The following PNPLA7 variants were observed in gnomAD, a reference collection of about 807,000 sequenced individuals.
PNPLA7 encodes patatin-like phospholipase domain-containing protein 7.
In PNPLA7, 153 loss-of-function variants were observed where a neutral mutation model predicts 161.7. The ratio of observed to expected loss-of-function variants is 0.95; its 90% CI spans 0.83 to 1.08. The LOEUF (loss-of-function observed/expected upper bound fraction) is 1.08, where lower values mean the gene tolerates loss of function less well. Among genes scored for constraint, PNPLA7 ranks in the 50% least tolerant of loss-of-function variants. The pLI, the probability that PNPLA7 is intolerant of heterozygous loss-of-function variation, is 0.00. For missense variants in PNPLA7, 1,739 were observed against 1,856.6 expected (o/e 0.94, Z 1.16); for synonymous variants, 809 against 782.1 (o/e 1.03, Z -0.57).
rs756721365 is a variant in PNPLA7 at position 137,464,158 on chromosome 9, A to G, written c.3194T>C (p.Ile1065Thr). 3 of 1,613,716 alleles carry G rather than the reference A, an allele frequency of 1.9e-6. No individual in the cohort carries two copies. In the Admixed American group the frequency reaches 5.0e-5, roughly 27 times the overall value. ...WIPYFAITTD[I>T]TASAMRVHTD... ...GTGGACCCGCATGGCCGAGGCTGTG[A>G]TGTCGGTGGTGATGGCGAAATAAGG... Residue 1065 changes from isoleucine (I) to threonine (T), a missense_variant, in exon 28 of 35, where the codon ATC becomes ACC. Physicochemically the swap from Ile to Thr is moderately conservative, Grantham distance 89. Transcript: ENST00000406427.
intron 28 of PNPLA7, among the ~76,000 whole-genome samples, 178 bp downstream of exon 28, chr9:137,463,948 C>T (rs535956982): frequency 1.3e-5 from 2 of 152,356 alleles, no homozygotes; most frequent in African/African-American, 4.8e-5. Flanking sequence ...GCCCAGGCCA[C>T]GCCCCCTCCT....
At chr9:137,521,343 C>T (rs190225675) in intron 10 of PNPLA7, among the ~76,000 whole-genome samples, 95 of 152,360 alleles carry the variant, frequency 6.2e-4, no homozygotes, top group African/African-American at 2.2e-3. Context: ...AGGGACAACT[C>T]CATCATCGGA....
chr9:137,539,023 G>T (rs140027197), intron 8 of PNPLA7, among the ~76,000 whole-genome samples: 1,749 of 152,306 alleles, frequency 0.011, 33 homozygotes, highest in African/African-American at 0.038. Context: ...CTGCACTCCA[G>T]CCTGGGCAAC....
At chr9:137,505,495 CA>C (rs767758346) in intron 14 of PNPLA7, 118 bp downstream of exon 14, 2 of 1,244,630 alleles carry the variant, frequency 1.6e-6, no homozygotes, top group Non-Finnish European at 2.2e-6. Context: ...GCACTCCACC[CA>C]AAACACCTCC....
chr9:137,487,613 C>T (rs529139333), intron 20 of PNPLA7, among the ~76,000 whole-genome samples: 4 of 152,232 alleles, frequency 2.6e-5, no homozygotes, highest in Non-Finnish European at 4.4e-5. Flanking sequence ...GCAGCCTACA[C>T]AGCCTTTGTG....
At chr9:137,525,536 C>T (rs563570678) in intron 8 of PNPLA7, among the ~76,000 whole-genome samples, 38 of 152,210 alleles carry the variant, frequency 2.5e-4, no homozygotes, top group African/African-American at 8.7e-4. Context: ...GTAGCCGAGG[C>T]GGAGAGAGAA....
intron 20 of PNPLA7, 144 bp downstream of exon 20, chr9:137,492,869 G>A: frequency 1.4e-6 from 1 of 704,180 alleles, no homozygotes; most frequent in East Asian, 2.8e-5. Context: ...CTTCATGACA[G>A]GGAAGGGCCA....
At position 137,463,557 on chromosome 9, in the gene PNPLA7, G is replaced by A. The variant is rs1034099014; in HGVS notation, c.3227-26C>T. Reference sequence around the variant, plus strand: ...CTGGGGAGGGGGCCCGGAGCTGCTGGTTACCCGGAGGAGGCTCCTCCTGGG... The same window carrying A: ...CTGGGGAGGGGGCCCGGAGCTGCTGATTACCCGGAGGAGGCTCCTCCTGGG... On this transcript the variant is annotated intron_variant, in intron 28 of 34. Coordinates refer to ENST00000406427, the MANE Select transcript of PNPLA7 (RefSeq NM_001098537.3). The A allele has an allele frequency of 9.2e-6, 14 of 1,523,162 alleles. No individual in the cohort carries two copies. In the African/African-American group the frequency reaches 1.5e-4, roughly 16 times the overall value. The allele number at this position is 1,523,162 out of a possible 1,614,324, so 94.4% of individuals were successfully genotyped here.
At position 137,505,999 on chromosome 9, in the gene PNPLA7, C is replaced by T. The variant is rs761916782; in HGVS notation, c.1310G>A (p.Ser437Asn). 83 of 1,611,438 alleles carry T rather than the reference C, an allele frequency of 5.2e-5. 2 individuals are homozygous for T. The Middle Eastern group carries it at 9.9e-4, about 19-fold the overall frequency. ...VFLHSDEHPG[S>N]SVASKSRKSV... ...AGGGCCTACCTTGCTGGCCACGGAGCTCCCGGGGTGCTCGTCCGAGTGCAG... is the reference window on the plus strand; with the variant it reads ...AGGGCCTACCTTGCTGGCCACGGAGTTCCCGGGGTGCTCGTCCGAGTGCAG... The change falls in exon 13 of 35, where the codon AGC becomes AAC. Residue 437 changes from serine to asparagine, a missense_variant. Physicochemically the swap from Ser to Asn is conservative, Grantham distance 46. Transcript: ENST00000406427.
rs771637283 is a variant in PNPLA7, at chr9:137,543,765, C to T, written c.324G>A (p.Gln108=). 2 of 1,614,110 alleles carry T rather than the reference C, an allele frequency of 1.2e-6. No homozygotes were observed. Among genetic ancestry groups the T allele is most frequent in the South Asian group, 2.2e-5 (2 of 91,080 alleles). The change falls in exon 5 of 35, where the codon CAG becomes CAA. Residue 108 remains glutamine, a synonymous_variant. Coordinates refer to ENST00000406427, the MANE Select transcript of PNPLA7 (RefSeq NM_001098537.3). The surrounding 1 kb of genome is among the most constrained non-coding windows in gnomAD (Gnocchi z 6.9). The part of the protein sequence containing the change: ...TLVENTALPR[Q]RARKRTKVLS... ...GCACCTTGGTCCTCTTCCTGGCCCG[C>T]TGCCGGGGCAGGGCAGTGTTCTCCA...
Position 137,460,242 on chromosome 9 carries a change from A to T in PNPLA7, c.*151T>A. ...ATGCAGGGCTGCTGGTACAAAGAAG[A>T]GGCCCAGAGAACCCTAACACAGCCT... On this transcript the variant is annotated 3_prime_UTR_variant, in exon 35 of 35. Coordinates refer to ENST00000406427, the MANE Select transcript of PNPLA7 (RefSeq NM_001098537.3). 1 of 661,272 alleles carries T rather than the reference A, an allele frequency of 1.5e-6. No homozygotes were observed. The allele number at this position is 661,272 out of a possible 1,614,324, so 41.0% of individuals were successfully genotyped here. A position where few individuals can be genotyped will look rare whatever the true frequency, so the allele number is the denominator to read the frequency against.
rs1243077185 is a variant in PNPLA7, at chr9:137,467,107, A to G, written c.3039+210T>C. ...TCCACCAACTCAGACCTGGGCACAGATCAGACCGCCTCCCACCACCAACCT... is the reference window on the plus strand; with the variant it reads ...TCCACCAACTCAGACCTGGGCACAGGTCAGACCGCCTCCCACCACCAACCT... On this transcript the variant is annotated intron_variant, in intron 26 of 34. Transcript: ENST00000406427. The surrounding 1 kb of genome is among the most constrained non-coding windows in gnomAD (Gnocchi z 5.1). 9.2e-5 allele frequency among the ~76,000 whole-genome samples: 14 copies of G among 151,988 alleles called. No homozygotes were observed. The highest frequency in any genetic ancestry group is 1.0e-4 in the Non-Finnish European group (7 of 67,992).
At chr9:137,470,558 A>C (rs998675227) in intron 25 of PNPLA7, among the ~76,000 whole-genome samples, 7 of 152,186 alleles carry the variant, frequency 4.6e-5, no homozygotes, top group Admixed American at 3.9e-4. Flanking sequence ...AAAAATAAAA[A>C]AGTAAAAATA....
chr9:137,516,577 G>C, intron 11 of PNPLA7: 7 of 961,524 alleles, frequency 7.3e-6, no homozygotes, highest in Non-Finnish European at 8.7e-6. Context: ...GGGAGGCCAA[G>C]GTGGGAGGAT....
Position 137,523,448 on chromosome 9 carries a change from A to G in PNPLA7, c.748-591T>C, listed in dbSNP as rs1036495136. On this transcript the variant is annotated intron_variant, in intron 8 of 34. Transcript: ENST00000406427. This position sits in a 1 kb window ranked among gnomAD's most constrained non-coding sequence, Gnocchi z 4.4. ...CTCCACACGGCCAAGGAAAGAGCCC[A>G]GGAAAAGCCCCAGTGAGTGACGTGG... Among the ~76,000 whole-genome samples, 1 of 152,222 alleles carries G rather than the reference A, an allele frequency of 6.6e-6. No individual in the cohort carries two copies. Among genetic ancestry groups the G allele is most frequent in the African/African-American group, 2.4e-5 (1 of 41,458 alleles).
At position 137,500,140 on chromosome 9, in the gene PNPLA7, C is replaced by T. The variant is rs1450437615; in HGVS notation, c.1757+551G>A. Among the ~76,000 whole-genome samples, 1 of 152,218 alleles carries T rather than the reference C, an allele frequency of 6.6e-6. No individual in the cohort carries two copies. The highest frequency in any genetic ancestry group is 1.5e-5 in the Non-Finnish European group (1 of 68,038). On this transcript the variant is annotated intron_variant, in intron 16 of 34. Coordinates refer to ENST00000406427, the MANE Select transcript of PNPLA7 (RefSeq NM_001098537.3). This position sits in a 1 kb window ranked among gnomAD's most constrained non-coding sequence, Gnocchi z 5.5. Reference sequence around the variant, plus strand: ...GACTTACGGGCTGGGGTCAAGTGGACAGATGTCTTCCAGCCCGGAGCCTGG... The same window carrying T: ...GACTTACGGGCTGGGGTCAAGTGGATAGATGTCTTCCAGCCCGGAGCCTGG...
intron 16 of PNPLA7, among the ~76,000 whole-genome samples, chr9:137,498,770 G>C (rs1833211567): frequency 6.6e-6 from 1 of 152,128 alleles, no homozygotes; most frequent in South Asian, 2.1e-4. Context: ...TCGAGGGTGA[G>C]GGCTGCAGCA....
intron 12 of PNPLA7, among the ~76,000 whole-genome samples, chr9:137,507,377 A>G (rs1833980463): frequency 6.6e-6 from 1 of 152,244 alleles, no homozygotes; most frequent in African/African-American, 2.4e-5. Context: ...GTACGTCAAC[A>G]AGCATGTAGC....
chr9:137,462,749 C>G lies in PNPLA7; in HGVS notation c.3428G>C (p.Gly1143Ala), dbSNP rs761072855. The G allele has an allele frequency of 1.9e-6, 3 of 1,614,028 alleles. No homozygotes were observed. Among genetic ancestry groups the G allele is most frequent in the East Asian group, 4.5e-5 (2 of 44,886 alleles). The change falls in exon 30 of 35, where the codon GGG becomes GCG. Residue 1143 changes from glycine (G) to alanine (A), a missense_variant. Physicochemically the swap from Gly to Ala is moderately conservative, Grantham distance 60. Coordinates refer to ENST00000406427, the MANE Select transcript of PNPLA7 (RefSeq NM_001098537.3). ...CAGCCACCACCCAGACAGCGCATCC[C>G]CATAGTTGGTGAGGTCCGTCTCATC... ...SRDETDLTNY[G>A]DALSGWWLLW...
Sources: gnomAD v4.1 joint callset for allele counts (sites outside exome capture counted in the v4.1 genomes callset) on GRCh38, gnomAD v4.1.1 for gene constraint, Gnocchi (gnomAD v3.1) non-coding constraint, MANE v1.5 for transcripts, NCBI Gene and HGNC (gene_info 2026-07-23, HGNC 2026-07-21) for gene names.